Variants in TERB1 observed in about 807,000 individuals in gnomAD.
TERB1 encodes telomere repeats-binding bouquet formation protein 1.
A neutral mutation model predicts 92.3 loss-of-function variants in TERB1; 63 were observed. That is an observed-to-expected ratio of 0.68 (90% confidence interval 0.56 to 0.84). TERB1 has a LOEUF of 0.84. Ranked by LOEUF, TERB1 falls within the 40% of genes least tolerant of loss-of-function variation. The probability of loss-of-function intolerance (pLI) is 0.00; values close to 1 mark genes in which losing one functional copy is unlikely to be tolerated. For synonymous variants in TERB1, 252 were observed against 283.9 expected (o/e 0.89, Z 1.13); for missense variants, 709 against 843.7 (o/e 0.84, Z 1.98).
chr16:66,794,761 T>G (rs1430764096), intron 3 of TERB1, among the ~76,000 whole-genome samples: 2 of 151,842 alleles, frequency 1.3e-5, no homozygotes, highest in Non-Finnish European at 2.9e-5. Context: ...ATACAAAAAA[T>G]TAGCTGGGCG....
chr16:66,773,962 C>T (rs967536112), intron 12 of TERB1, among the ~76,000 whole-genome samples: 9 of 152,124 alleles, frequency 5.9e-5, no homozygotes, highest in African/African-American at 1.2e-4. Flanking sequence ...TCACTGCAAC[C>T]TCTGCCTCCC....
intron 2 of TERB1, among the ~76,000 whole-genome samples, chr16:66,797,644 C>CACACAT: frequency 6.6e-6 from 1 of 151,356 alleles, no homozygotes; most frequent in East Asian, 1.9e-4. Context: ...CACACACACA[C>CACACAT]ACACACACAC....
intron 16 of TERB1, among the ~76,000 whole-genome samples, chr16:66,765,904 G>A (rs62057884): frequency 1.7e-4 from 18 of 108,924 alleles, no homozygotes; most frequent in African/African-American, 5.8e-4. Flanking sequence ...TCGCTCTGTC[G>A]CCCAGGCCGG....
rs145438580 is a variant in TERB1, at chr16:66,799,836, T to G, written c.-33+1141A>C. Among the ~76,000 whole-genome samples the G allele has an allele frequency of 8.9e-3, 1,349 of 152,284 alleles. 7 individuals are homozygous for G. The highest frequency in any genetic ancestry group is 0.012 in the Non-Finnish European group (836 of 68,024). On this transcript the variant is annotated intron_variant, in intron 2 of 18. Coordinates refer to ENST00000433154, the MANE Select transcript of TERB1 (RefSeq NM_001136505.2). ...CTGCCATATAAAGCAGATTATGAAG[T>G]GCTTTTAGTAATTTAGTGAATATAT...
In TERB1 at chr16:66,767,521, T is replaced by C; in HGVS notation, c.1685-11A>G. On this transcript the variant is annotated splice_polypyrimidine_tract_variant and intron_variant, in intron 15 of 18. Transcript: ENST00000433154. ...ATAATGTAAATGGATCTGAAAAAAA[T>C]TGCAAAATGAAGGATTTTTGGATTA... is the stretch of plus-strand genomic sequence containing the variant. The C allele has an allele frequency of 7.5e-7, 1 of 1,325,034 alleles. No individual in the cohort carries two copies. Among genetic ancestry groups the C allele is most frequent in the Non-Finnish European group, 1.0e-6 (1 of 975,020 alleles). The allele number at this position is 1,325,034 out of a possible 1,614,324, so 82.1% of individuals were successfully genotyped here. A position where few individuals can be genotyped will look rare whatever the true frequency, so the allele number is the denominator to read the frequency against.
chr16:66,773,399 T>C (rs200793416), intron 12 of TERB1, among the ~76,000 whole-genome samples: 1 of 108,398 alleles, frequency 9.2e-6, no homozygotes, highest in Non-Finnish European at 1.7e-5. Flanking sequence ...AATCCTTTTT[T>C]TTTAAACATA....
chr16:66,777,387 G>C (rs2018566548), intron 10 of TERB1, 53 bp from the exon 11 acceptor site: 5 of 1,134,350 alleles, frequency 4.4e-6, no homozygotes, highest in Non-Finnish European at 6.2e-6. Context: ...ACTTATAAAT[G>C]TATATATACT....
chr16:66,768,943 A>C lies in TERB1; in HGVS notation c.1620-775T>G, dbSNP rs1212111614. On this transcript the variant is annotated intron_variant, in intron 14 of 18. Transcript: ENST00000433154. ...ACATGGAGAAACTCCATCTCTACTA[A>C]AAATACAAAAAATTAGCCGGGCGTG... 2.6e-5 allele frequency among the ~76,000 whole-genome samples: 4 copies of C among 152,054 alleles called. No individual in the cohort carries two copies. In the South Asian group the frequency reaches 8.3e-4, roughly 32 times the overall value.
chr16:66,760,742 C>T (rs1403562065), intron 16 of TERB1, among the ~76,000 whole-genome samples: 1 of 105,036 alleles, frequency 9.5e-6, no homozygotes, highest in African/African-American at 3.9e-5. Context: ...GCTGAGATCA[C>T]GACTGCACTC....
chr16:66,762,219 T>G (rs1476622615), intron 16 of TERB1, among the ~76,000 whole-genome samples: 1 of 152,226 alleles, frequency 6.6e-6, no homozygotes, highest in Non-Finnish European at 1.5e-5. Context: ...TCACCCAGCT[T>G]CAATAATTAT....
At chr16:66,777,132 G>GAAAAA in intron 11 of TERB1, 71 bp downstream of exon 11, 1 of 1,173,676 alleles carries the variant, frequency 8.5e-7, no homozygotes, top group Non-Finnish European at 1.1e-6. Flanking sequence ...ATAACTGGAA[G>GAAAAA]AAAAAAAAAA....
intron 18 of TERB1, among the ~76,000 whole-genome samples, chr16:66,757,747 T>A (rs2018160650): frequency 6.6e-6 from 1 of 152,242 alleles, no homozygotes; most frequent in Non-Finnish European, 1.5e-5. Context: ...TAGGTGTTAC[T>A]AATTAATATA....
Position 66,790,862 on chromosome 16 carries a change from T to G in TERB1, c.142+47A>C, listed in dbSNP as rs1195564455. 4 of 1,420,038 alleles carry G rather than the reference T, an allele frequency of 2.8e-6. No individual in the cohort carries two copies. In the African/African-American group the frequency reaches 5.7e-5, roughly 20 times the overall value. 88.0% of individuals were successfully genotyped at this position (1,420,038 alleles called of 1,614,324 possible). On this transcript the variant is annotated intron_variant, in intron 4 of 18. Transcript: ENST00000433154. ...ACTATGCTTATTTGATATATCAGAG[T>G]ACTAAAGAACTAGAATCACAGATAA...
intron 5 of TERB1, among the ~76,000 whole-genome samples, chr16:66,789,646 A>G (rs2018794091): frequency 7.1e-6 from 1 of 141,716 alleles, no homozygotes; most frequent in South Asian, 2.2e-4. Flanking sequence ...CAGGGACTAT[A>G]TCTTACTTAT....
chr16:66,790,008 G>A (rs1343758175), intron 5 of TERB1, among the ~76,000 whole-genome samples: 1 of 152,116 alleles, frequency 6.6e-6, no homozygotes, highest in Non-Finnish European at 1.5e-5. Flanking sequence ...ACCACGCCTG[G>A]CTGATGAAGA....
chr16:66,766,070 A>G (rs990403283), intron 16 of TERB1, among the ~76,000 whole-genome samples: 26 of 148,310 alleles, frequency 1.8e-4, no homozygotes, highest in African/African-American at 6.2e-4. Context: ...ACGGGGTTTC[A>G]CCTTGTTAGC....
At chr16:66,772,559 T>A (rs1402468716) in intron 13 of TERB1, 30 bp downstream of exon 13, 2 of 1,516,934 alleles carry the variant, frequency 1.3e-6, no homozygotes. Flanking sequence ...TTGAAAAAAG[T>A]TCTATATTCT....
Position 66,755,388 on chromosome 16 carries a change from A to C in TERB1, c.1997-225T>G, listed in dbSNP as rs117635985. On this transcript the variant is annotated intron_variant, in intron 18 of 18. Coordinates refer to ENST00000433154, the MANE Select transcript of TERB1 (RefSeq NM_001136505.2). ...GTGACTTCTTCAGTAATTATAACTT[A>C]ATTGACAGTAGTAATACAACATCTT... 6.6e-3 allele frequency among the ~76,000 whole-genome samples: 1,009 copies of C among 152,352 alleles called. 5 individuals are homozygous for C. Among genetic ancestry groups the C allele is most frequent in the Non-Finnish European group, 0.011 (757 of 68,044 alleles).
chr16:66,789,372 C>A (rs1230780661), intron 5 of TERB1, among the ~76,000 whole-genome samples: 1 of 39,026 alleles, frequency 2.6e-5, no homozygotes, highest in Admixed American at 2.8e-4. Context: ...ATCACGAGGT[C>A]AGGAGATCGA....
Sources: allele counts gnomAD v4.1 joint callset (sites outside exome capture counted in the v4.1 genomes callset), GRCh38; gene constraint gnomAD v4.1.1; transcripts MANE v1.5; gene names NCBI Gene and HGNC (gene_info 2026-07-23, HGNC 2026-07-21).